The following CNTLN variants were observed in gnomAD, a reference collection of about 807,000 sequenced individuals.
CNTLN encodes the protein centlein, centrosomal protein.
Under a neutral mutation model 180.0 loss-of-function variants are expected in CNTLN, and 212 were observed. The observed-to-expected ratio is 1.18, with a 90% CI of 1.05 to 1.32. CNTLN has a LOEUF of 1.32. Among genes scored for constraint, CNTLN ranks in the 40% most tolerant of loss-of-function variants. The pLI is 0.00. For synonymous variants in CNTLN, 722 were observed against 563.1 expected, an observed-to-expected ratio of 1.28 and a Z score of -3.99; for missense variants, 2,095 against 1,610.9, an observed-to-expected ratio of 1.30 and a Z score of -5.14.
At chr9:17,395,147 C>A in intron 15 of CNTLN, 78 bp downstream of exon 15, 2 of 1,482,338 alleles carry the variant, frequency 1.3e-6, no homozygotes, top group South Asian at 1.4e-5. Context: ...GATTGAATTT[C>A]AACTACTGTC....
chr9:17,301,924 A>T (rs1818384106), intron 7 of CNTLN: 2 of 924,362 alleles, frequency 2.2e-6, no homozygotes, highest in Non-Finnish European at 2.6e-6. Flanking sequence ...ATTATATTTT[A>T]AAAAATCATA....
intron 8 of CNTLN, among the ~76,000 whole-genome samples, chr9:17,312,597 G>T (rs1263102420): frequency 7.6e-6 from 1 of 131,602 alleles, no homozygotes; most frequent in Non-Finnish European, 1.6e-5. Context: ...TAGAGACAAG[G>T]TTTCACCGTG....
At chr9:17,244,707 T>C (rs183715328) in intron 5 of CNTLN, among the ~76,000 whole-genome samples, 1 of 152,300 alleles carries the variant, frequency 6.6e-6, no homozygotes, top group East Asian at 1.9e-4. Flanking sequence ...TTTTGTGGTC[T>C]TCTCTTCCAT....
intron 18 of CNTLN, chr9:17,448,214 C>A: frequency 5.5e-6 from 1 of 182,774 alleles, no homozygotes; most frequent in South Asian, 1.3e-4. Flanking sequence ...AATGCATTGT[C>A]ACCTTGACAT....
chr9:17,338,338 T>A (rs868702640), intron 10 of CNTLN, among the ~76,000 whole-genome samples: 1 of 23,722 alleles, frequency 4.2e-5, no homozygotes, highest in Non-Finnish European at 1.1e-4. Context: ...CTAATTTTTG[T>A]TTTTTTTTTT....
At chr9:17,418,435 A>G (rs1227082849) in intron 18 of CNTLN, among the ~76,000 whole-genome samples, 1 of 151,974 alleles carries the variant, frequency 6.6e-6, no homozygotes, top group Non-Finnish European at 1.5e-5. Flanking sequence ...GCTCTAACAT[A>G]ATAACCAAAG....
intron 18 of CNTLN, among the ~76,000 whole-genome samples, chr9:17,432,769 C>G (rs1829490624): frequency 6.6e-6 from 1 of 152,060 alleles, no homozygotes; most frequent in African/African-American, 2.4e-5. Context: ...CCTGTAATCT[C>G]AGCACTTTGG....
chr9:17,298,680 A>G (rs1257167161), intron 7 of CNTLN: 3 of 1,005,548 alleles, frequency 3.0e-6, no homozygotes, highest in East Asian at 9.5e-5. Context: ...TCGGCCTGCT[A>G]TTACAAGAAA....
At chr9:17,414,765 A>T (rs1011239874) in intron 16 of CNTLN, among the ~76,000 whole-genome samples, 16 of 152,166 alleles carry the variant, frequency 1.1e-4, no homozygotes, top group African/African-American at 3.6e-4. Flanking sequence ...AATTTTCTAG[A>T]TTGCATATAT....
At chr9:17,161,617 C>T (rs1028673673) in intron 2 of CNTLN, among the ~76,000 whole-genome samples, 4 of 152,158 alleles carry the variant, frequency 2.6e-5, no homozygotes, top group Non-Finnish European at 4.4e-5. Context: ...TTCATCCTGG[C>T]TTTAAAAATT....
chr9:17,330,860 A>T, intron 9 of CNTLN, 52 bp downstream of exon 9: 1 of 1,496,726 alleles, frequency 6.7e-7, no homozygotes, highest in East Asian at 2.4e-5. Context: ...CTGGAAAGAC[A>T]AGAGATGAAG....
At chr9:17,486,943 T>A (rs1390840919) in intron 24 of CNTLN, 46 bp from the exon 25 acceptor site, 1 of 901,442 alleles carries the variant, frequency 1.1e-6, no homozygotes, top group Non-Finnish European at 1.8e-6. Flanking sequence ...ATAAACAAGT[T>A]CATATAAATT....
rs565199351 is a variant in CNTLN at position 17,394,154 on chromosome 9, GTTAT to G, written c.2080-374_2080-371del. On this transcript the variant is annotated intron_variant, in intron 14 of 25. Coordinates refer to ENST00000380647, the MANE Select transcript of CNTLN (RefSeq NM_017738.4). ...TATGATTGTCGAATATTGAAAAAAA[GTTAT>G]TTATTATTACAGTTTATCTACTTTT... Among the ~76,000 whole-genome samples the G allele has an allele frequency of 3.3e-5, 5 of 152,082 alleles. No individual in the cohort carries two copies. The South Asian group carries it at 1.0e-3, about 32-fold the overall frequency.
intron 6 of CNTLN, among the ~76,000 whole-genome samples, chr9:17,282,201 T>C (rs1308549234): frequency 1.3e-5 from 2 of 152,134 alleles, no homozygotes; most frequent in South Asian, 2.1e-4. Context: ...GACCTTGTGA[T>C]CTACCCACCT....
At chr9:17,404,808 G>A (rs1027175449) in intron 15 of CNTLN, among the ~76,000 whole-genome samples, 7 of 149,142 alleles carry the variant, frequency 4.7e-5, no homozygotes, top group Admixed American at 1.3e-4. Context: ...CGCGATCTTG[G>A]CTCACTGCAG....
chr9:17,375,638 C>G (rs1824697850), intron 13 of CNTLN, among the ~76,000 whole-genome samples: 1 of 152,006 alleles, frequency 6.6e-6, no homozygotes, highest in Non-Finnish European at 1.5e-5. Context: ...TAGTGTTATG[C>G]TTAATATCAA....
At position 17,479,738 on chromosome 9, in the gene CNTLN, C is replaced by G. The variant is rs78521811; in HGVS notation, c.3856-4557C>G. On this transcript the variant is annotated intron_variant, in intron 23 of 25. Coordinates refer to ENST00000380647, the MANE Select transcript of CNTLN (RefSeq NM_017738.4). Reference sequence around the variant, plus strand: ...AAAAATTCATGAAGGAAATAGTTGACTCTAGAGAGAGAAAAAGAAGATAGA... The same window carrying G: ...AAAAATTCATGAAGGAAATAGTTGAGTCTAGAGAGAGAAAAAGAAGATAGA... 5.5e-3 allele frequency among the ~76,000 whole-genome samples: 834 copies of G among 152,036 alleles called. 8 individuals carry two copies. The highest frequency in any genetic ancestry group is 0.019 in the African/African-American group (772 of 41,472).
chr9:17,279,943 C>A (rs1478543364), intron 6 of CNTLN, among the ~76,000 whole-genome samples: 1 of 147,996 alleles, frequency 6.8e-6, no homozygotes, highest in Admixed American at 6.8e-5. Flanking sequence ...CGAAGAGAGA[C>A]CTGAGCTAGT....
chr9:17,504,773 G>C (rs1029398233), downstream of CNTLN, among the ~76,000 whole-genome samples: 1 of 152,134 alleles, frequency 6.6e-6, no homozygotes, highest in East Asian at 1.9e-4. Context: ...ATGGCCCTTG[G>C]AGACCAGAAA....
Sources: allele counts gnomAD v4.1 joint callset (sites outside exome capture counted in the v4.1 genomes callset), GRCh38; gene constraint gnomAD v4.1.1; transcripts MANE v1.5; gene names NCBI Gene and HGNC (gene_info 2026-07-23, HGNC 2026-07-21).